Variants in TBC1D12 observed in about 807,000 individuals in gnomAD.
TBC1D12 encodes the protein TBC1 domain family, member 12.
TBC1D12 carries 56 observed loss-of-function variants against 86.7 expected under a neutral mutation model. The ratio of observed to expected loss-of-function variants is 0.65; its 90% CI spans 0.52 to 0.81. TBC1D12 has a LOEUF of 0.81. Among genes scored for constraint, TBC1D12 ranks in the 30% least tolerant of loss-of-function variants. TBC1D12 has a pLI of 0.00. For synonymous variants in TBC1D12, 421 were observed against 411.7 expected (o/e 1.02, Z -0.27); for missense variants, 1,023 against 1,038.8 (o/e 0.98, Z 0.21).
intron 2 of TBC1D12, among the ~76,000 whole-genome samples, chr10:94,458,757 G>GTCTGGAGTTGTTCGTTCCTTCCA (rs1375529020): frequency 2.0e-5 from 3 of 152,066 alleles, no homozygotes; most frequent in Non-Finnish European, 4.4e-5. Flanking sequence ...AAGGTGGTGC[G>GTCTGGAGTTGTTCGTTCCTTCCA]TCTGGAGTTG....
At chr10:94,448,757 G>A (rs1306716736) in intron 2 of TBC1D12, among the ~76,000 whole-genome samples, 1 of 152,178 alleles carries the variant, frequency 6.6e-6, no homozygotes, top group Non-Finnish European at 1.5e-5. Flanking sequence ...GGGATTACAG[G>A]CATGTGCCAC....
intron 1 of TBC1D12, 71 bp downstream of exon 1, chr10:94,403,655 T>TCGGAGCCGGAGCCGGAGCCGGAGC: frequency 7.4e-7 from 1 of 1,343,828 alleles, no homozygotes; most frequent in South Asian, 1.7e-5. Flanking sequence ...TTGGTGGGAG[T>TCGGAGCCGGAGCCGGAGCCGGAGC]CGGAGCCGGA....
intron 1 of TBC1D12, among the ~76,000 whole-genome samples, chr10:94,432,414 A>T (rs2055230163): frequency 6.6e-6 from 1 of 152,156 alleles, no homozygotes; most frequent in African/African-American, 2.4e-5. Context: ...AATTCCATAT[A>T]CAATATTTGT....
chr10:94,405,732 C>T lies in TBC1D12; in HGVS notation c.971+2148C>T, dbSNP rs146530451. Among the ~76,000 whole-genome samples the T allele has an allele frequency of 6.8e-3, 1,032 of 152,190 alleles. 49 individuals are homozygous for T. The highest frequency in any genetic ancestry group is 0.061 in the Admixed American group (932 of 15,276). ...AATAGAGATGATTTAGAAAACTGTCCCTTACCTGCAGGTGGGGTGCAGGCT... is the reference window on the plus strand; with the variant it reads ...AATAGAGATGATTTAGAAAACTGTCTCTTACCTGCAGGTGGGGTGCAGGCT... On this transcript the variant is annotated intron_variant, in intron 1 of 12. Transcript: ENST00000225235.
In TBC1D12 at chr10:94,403,042, C is replaced by T; in HGVS notation, c.429C>T (p.Gly143=). The part of the protein sequence containing the change: ...MTNGDSGFLP[G]RDCRDLEEAR... ...ACGGCGACTCGGGTTTTCTGCCGGG[C>T]CGGGACTGTCGCGATCTGGAAGAGG... Residue 143 remains glycine (G), a synonymous_variant, in exon 1 of 13, where the codon GGC becomes GGT. Coordinates refer to ENST00000225235, the MANE Select transcript of TBC1D12 (RefSeq NM_015188.2). 6.4e-7 allele frequency: 1 copy of T among 1,564,118 alleles called. No individual in the cohort carries two copies. The highest frequency in any genetic ancestry group is 8.6e-7 in the Non-Finnish European group (1 of 1,159,730).
chr10:94,527,489 CA>C (rs941917758), intron 11 of TBC1D12, among the ~76,000 whole-genome samples: 2 of 140,746 alleles, frequency 1.4e-5, no homozygotes, highest in Non-Finnish European at 3.0e-5. Flanking sequence ...TATTTTTTCC[CA>C]TTCTGTGGGG....
intron 6 of TBC1D12, among the ~76,000 whole-genome samples, chr10:94,501,010 C>G (rs749654251): frequency 6.6e-6 from 1 of 151,738 alleles, no homozygotes. Flanking sequence ...GAGCCGAGAT[C>G]GCGCCTGTGC....
At chr10:94,445,735 G>A (rs975842597) in intron 2 of TBC1D12, among the ~76,000 whole-genome samples, 1 of 152,008 alleles carries the variant, frequency 6.6e-6, no homozygotes, top group African/African-American at 2.4e-5. Flanking sequence ...GTCACCTGAG[G>A]TCAGGAGTTC....
chr10:94,507,203 T>G (rs2056470253), intron 6 of TBC1D12, 64 bp from the exon 7 acceptor site: 1 of 1,521,892 alleles, frequency 6.6e-7, no homozygotes, highest in African/African-American at 1.4e-5. Context: ...GAGTAAAAAT[T>G]AAAATTTGCA....
chr10:94,518,086 G>A (rs1292972029), intron 9 of TBC1D12, among the ~76,000 whole-genome samples: 19 of 151,954 alleles, frequency 1.3e-4, no homozygotes, highest in Admixed American at 7.9e-4. Context: ...CTCAGGAGAC[G>A]GATGTTGTAG....
chr10:94,497,645 G>T (rs1457706794), intron 5 of TBC1D12, among the ~76,000 whole-genome samples: 1 of 148,032 alleles, frequency 6.8e-6, no homozygotes, highest in Non-Finnish European at 1.5e-5. Flanking sequence ...TCAGCCTCCC[G>T]AGTAGCTGGG....
chr10:94,504,310 C>T (rs1363235877), intron 6 of TBC1D12, among the ~76,000 whole-genome samples: 6 of 152,078 alleles, frequency 3.9e-5, no homozygotes, highest in East Asian at 1.9e-4. Flanking sequence ...TTGGTGTTAA[C>T]GTTTTGTGAT....
chr10:94,433,846 C>G (rs1029560760), intron 1 of TBC1D12, among the ~76,000 whole-genome samples: 1 of 152,106 alleles, frequency 6.6e-6, no homozygotes, highest in Non-Finnish European at 1.5e-5. Flanking sequence ...ACATGTAACT[C>G]TGCATTTCTA....
intron 1 of TBC1D12, among the ~76,000 whole-genome samples, chr10:94,436,133 G>A (rs1349478755): frequency 6.6e-6 from 1 of 150,816 alleles, no homozygotes; most frequent in Non-Finnish European, 1.5e-5. Context: ...CTTATTTTGG[G>A]TCCTTTATTC....
intron 6 of TBC1D12, among the ~76,000 whole-genome samples, chr10:94,504,474 G>A (rs925164691): frequency 6.6e-6 from 1 of 152,006 alleles, no homozygotes; most frequent in African/African-American, 2.4e-5. Context: ...TTATTAGTGC[G>A]GAAAAGATGC....
intron 9 of TBC1D12, among the ~76,000 whole-genome samples, chr10:94,521,152 G>A (rs543233376): frequency 6.7e-6 from 1 of 148,972 alleles, no homozygotes; most frequent in East Asian, 2.0e-4. Flanking sequence ...AGAGGTTGCA[G>A]TGAGATGATA....
intron 2 of TBC1D12, among the ~76,000 whole-genome samples, chr10:94,466,519 C>A (rs2055827648): frequency 6.6e-6 from 1 of 152,048 alleles, no homozygotes; most frequent in Admixed American, 6.5e-5. Flanking sequence ...TTATTATTAG[C>A]AACACTTACT....
At chr10:94,449,029 T>G (rs1017432157) in intron 2 of TBC1D12, among the ~76,000 whole-genome samples, 2 of 152,116 alleles carry the variant, frequency 1.3e-5, no homozygotes, top group African/African-American at 4.8e-5. Flanking sequence ...AAGGGAGAAG[T>G]ATGATCCTCA....
In TBC1D12 at chr10:94,473,695, A is replaced by G. The variant is rs1444219137; in HGVS notation, c.1096-973A>G. ...TAGTGCCTGGAGATGATCAGATGCT[A>G]GCTTGATTTTTTAGAAAGGAAAAAA... is the stretch of plus-strand genomic sequence containing the variant. On this transcript the variant is annotated intron_variant, in intron 2 of 12. Coordinates refer to ENST00000225235, the MANE Select transcript of TBC1D12 (RefSeq NM_015188.2). 2.0e-5 allele frequency among the ~76,000 whole-genome samples: 3 copies of G among 152,220 alleles called. No individual in the cohort carries two copies. In the East Asian group the frequency reaches 5.8e-4, roughly 29 times the overall value.
Sources: allele counts gnomAD v4.1 joint callset (sites outside exome capture counted in the v4.1 genomes callset), GRCh38; gene constraint gnomAD v4.1.1; transcripts MANE v1.5; gene names NCBI Gene and HGNC (gene_info 2026-07-23, HGNC 2026-07-21).